The following OTOGL variants were observed in gnomAD, a reference collection of about 807,000 sequenced individuals.
The protein encoded by OTOGL is otogelin like.
In OTOGL, 285 loss-of-function variants were observed where a neutral mutation model predicts 318.5. The observed-to-expected ratio is 0.89, with a 90% CI of 0.81 to 0.99. OTOGL has a LOEUF of 0.99. Ranked by LOEUF, OTOGL falls within the 50% of genes least tolerant of loss-of-function variation. OTOGL has a pLI of 0.00. For synonymous variants in OTOGL, 987 were observed against 936.5 expected (o/e 1.05, Z -0.99); for missense variants, 2,899 against 2,845.6 (o/e 1.02, Z -0.43).
At chr12:80,194,896 A>T (rs1875949317) in intron 1 of OTOGL, among the ~76,000 whole-genome samples, 1 of 152,248 alleles carries the variant, frequency 6.6e-6, no homozygotes, top group African/African-American at 2.4e-5. Flanking sequence ...CTAAAATAAC[A>T]GTGGAATAAT....
chr12:80,355,822 G>A lies in OTOGL; in HGVS notation c.5680G>A (p.Glu1894Lys). The change falls in exon 47 of 59, where the codon GAG (glutamate) becomes AAG (lysine). Residue 1894 changes from glutamate to lysine, a missense_variant. This residue lies in a region of OTOGL where 2,607 missense variants were observed against 2,524.9 expected (regional missense o/e 1.03). Transcript: ENST00000547103. ...TGAATGCACTCTATACAAATGTTTG[G>A]AGAATGGAAGCATTATCCCTATAGA... ...IDECTLYKCLENGSIIPIEPD... is the reference protein window; with the variant it reads ...IDECTLYKCLKNGSIIPIEPD... 6.2e-7 allele frequency: 1 copy of A among 1,613,918 alleles called. No homozygotes were observed. The highest frequency in any genetic ancestry group is 2.2e-5 in the East Asian group (1 of 44,864).
At position 80,378,195 on chromosome 12, in the gene OTOGL, C is replaced by T; in HGVS notation, c.*147C>T. 1 of 610,160 alleles carries T rather than the reference C, an allele frequency of 1.6e-6. No homozygotes were observed. Among genetic ancestry groups the T allele is most frequent in the South Asian group, 2.3e-5 (1 of 43,044 alleles). 37.8% of individuals were successfully genotyped at this position (610,160 alleles called of 1,614,324 possible). A position where few individuals can be genotyped will look rare whatever the true frequency, so the allele number is the denominator to read the frequency against. On this transcript the variant is annotated 3_prime_UTR_variant, in exon 59 of 59. Transcript: ENST00000547103. Reference sequence around the variant, plus strand: ...GAATGTGGAAATTTAGCAATTTGTACAAAATATATACAGTTTCAATAGCAA... The same window carrying T: ...GAATGTGGAAATTTAGCAATTTGTATAAAATATATACAGTTTCAATAGCAA...
chr12:80,146,658 C>G (rs559673921), intron 1 of OTOGL, among the ~76,000 whole-genome samples: 3,693 of 150,762 alleles, frequency 0.024, 134 homozygotes, highest in African/African-American at 0.084. Context: ...TGTACCTCTG[C>G]TAGAATTCAG....
chr12:80,166,850 G>T (rs183243750), intron 1 of OTOGL, among the ~76,000 whole-genome samples: 1 of 152,030 alleles, frequency 6.6e-6, no homozygotes, highest in Non-Finnish European at 1.5e-5. Flanking sequence ...AATAAAGCAC[G>T]AATTGGAGAC....
intron 1 of OTOGL, among the ~76,000 whole-genome samples, chr12:80,177,270 C>T (rs1874591503): frequency 6.6e-6 from 1 of 152,054 alleles, no homozygotes; most frequent in Non-Finnish European, 1.5e-5. Flanking sequence ...AGGTCCACGA[C>T]CCGTTTCAAG....
Position 80,305,685 on chromosome 12 carries a change from C to G in OTOGL, c.3323C>G (p.Ala1108Gly). ...RNARVFGDSW[A>G]LGQCESPDET... ...GCTCGGGTATTTGGAGATAGTTGGG[C>G]ATTAGGACAGGTAAGTTACATAAAT... The change falls in exon 29 of 59, where the codon GCA (alanine) becomes GGA (glycine). Residue 1108 changes from alanine to glycine, a missense_variant. Physicochemically the swap from Ala to Gly is moderately conservative, Grantham distance 60. This residue lies in a region of OTOGL where 2,607 missense variants were observed against 2,524.9 expected (regional missense o/e 1.03). Coordinates refer to ENST00000547103, the MANE Select transcript of OTOGL (RefSeq NM_001378609.3). 1 of 1,554,036 alleles carries G rather than the reference C, an allele frequency of 6.4e-7. No individual in the cohort carries two copies. Among genetic ancestry groups the G allele is most frequent in the Non-Finnish European group, 8.6e-7 (1 of 1,162,356 alleles).
At chr12:80,186,637 C>T (rs949348110) in intron 1 of OTOGL, among the ~76,000 whole-genome samples, 3 of 152,096 alleles carry the variant, frequency 2.0e-5, no homozygotes, top group African/African-American at 7.2e-5. Flanking sequence ...AGACGTATCG[C>T]TCACCACTCC....
At position 80,358,357 on chromosome 12, in the gene OTOGL, T is replaced by G. The variant is rs754385294; in HGVS notation, c.6121+8T>G. The G allele has an allele frequency of 6.5e-7, 1 of 1,550,230 alleles. No individual in the cohort carries two copies. The highest frequency in any genetic ancestry group is 2.3e-5 in the East Asian group (1 of 44,144). ...GTCCTCAGTATTACTGTGGTAAGTGTATATTAACTATTCTAAAATATTTAG... is the reference window on the plus strand; with the variant it reads ...GTCCTCAGTATTACTGTGGTAAGTGGATATTAACTATTCTAAAATATTTAG... On this transcript the variant is annotated splice_region_variant and intron_variant, in intron 50 of 58. Transcript: ENST00000547103.
chr12:80,144,959 C>T (rs1444536767), intron 1 of OTOGL, among the ~76,000 whole-genome samples: 1 of 151,204 alleles, frequency 6.6e-6, no homozygotes, highest in Non-Finnish European at 1.5e-5. Context: ...GATATTAGCC[C>T]TTTGTCAGAT....
chr12:80,263,983 C>T (rs185385324), intron 19 of OTOGL, among the ~76,000 whole-genome samples: 8 of 151,870 alleles, frequency 5.3e-5, no homozygotes, highest in Admixed American at 1.3e-4. Context: ...ATTCTGAATG[C>T]AAAAATATCA....
In OTOGL at chr12:80,377,905, A is replaced by G; in HGVS notation, c.6919A>G (p.Ile2307Val). 6.2e-7 allele frequency: 1 copy of G among 1,611,606 alleles called. No individual in the cohort carries two copies. The highest frequency in any genetic ancestry group is 8.5e-7 in the Non-Finnish European group (1 of 1,178,532). ...ATCAGCTACCATATATAACATCAAT[A>G]TTGAAAGTCACCTAAGATTCTGCAA... ...CPSATIYNIN[I>V]ESHLRFCKCC... Residue 2307 changes from isoleucine (I) to valine (V), a missense_variant, in exon 59 of 59, where the codon ATT (isoleucine) becomes GTT (valine). This residue lies in a region of OTOGL where 289 missense variants were observed against 304.6 expected (regional missense o/e 0.95). Transcript: ENST00000547103.
chr12:80,352,786 A>G (rs1168959771), intron 45 of OTOGL, among the ~76,000 whole-genome samples: 1 of 152,184 alleles, frequency 6.6e-6, no homozygotes, highest in African/African-American at 2.4e-5. Flanking sequence ...CCACCATCTG[A>G]GCATTTAATT....
intron 1 of OTOGL, among the ~76,000 whole-genome samples, chr12:80,121,018 G>C (rs144579435): frequency 4.9e-3 from 753 of 152,262 alleles, no homozygotes; most frequent in Non-Finnish European, 7.7e-3. Flanking sequence ...GGTAGGGTGT[G>C]TGGAGGGACA....
chr12:80,100,837 G>C (rs1300006757), intron 1 of OTOGL, among the ~76,000 whole-genome samples: 1 of 151,918 alleles, frequency 6.6e-6, no homozygotes, highest in Non-Finnish European at 1.5e-5. Flanking sequence ...TGTTTTTCCA[G>C]TTCCTCAACT....
Position 80,265,169 on chromosome 12 carries a change from A to G in OTOGL, c.2183A>G (p.His728Arg). 2 of 1,613,834 alleles carry G rather than the reference A, an allele frequency of 1.2e-6. No homozygotes were observed. Among genetic ancestry groups the G allele is most frequent in the Non-Finnish European group, 8.5e-7 (1 of 1,179,840 alleles). Residue 728 changes from histidine to arginine, a missense_variant, in exon 20 of 59, where the codon CAC (histidine) becomes CGC (arginine). Coordinates refer to ENST00000547103, the MANE Select transcript of OTOGL (RefSeq NM_001378609.3). The part of the protein sequence containing the change: ...LAHYAYLCGQ[H>R]GVPIDFRTQI... ...CACTATGCCTACCTCTGCGGCCAGC[A>G]CGGTGTTCCCATTGATTTCAGAACT...
At position 80,336,533 on chromosome 12, in the gene OTOGL, T is replaced by C. The variant is rs1888418431; in HGVS notation, c.4721T>C (p.Ile1574Thr). 1 of 1,608,714 alleles carries C rather than the reference T, an allele frequency of 6.2e-7. No homozygotes were observed. The highest frequency in any genetic ancestry group is 8.5e-7 in the Non-Finnish European group (1 of 1,176,866). Residue 1574 changes from isoleucine to threonine, a missense_variant, in exon 40 of 59, where the codon ATC becomes ACC. Transcript: ENST00000547103. ...RIPGEIIVAH[I>T]EKCSMNQNGN... is the part of the protein sequence containing the mutation. Reference sequence around the variant, plus strand: ...CCTGGTGAAATTATAGTTGCTCATATCGAAAAATGTTCCATGAATCAGGTG... The same window carrying C: ...CCTGGTGAAATTATAGTTGCTCATACCGAAAAATGTTCCATGAATCAGGTG...
At chr12:80,305,734 T>C in intron 29 of OTOGL, 39 bp downstream of exon 29, 1 of 1,392,166 alleles carries the variant, frequency 7.2e-7, no homozygotes. Context: ...CAACAAAAAT[T>C]TTTAAGAATA....
Position 80,174,000 on chromosome 12 carries a change from T to C in OTOGL, c.-19-35413T>C, listed in dbSNP as rs541602919. ...AAGAAAACATTGAGAAAGCTCATCC[T>C]GTATTCCTATATGAAGAGTACAACA... On this transcript the variant is annotated intron_variant, in intron 1 of 58. Coordinates refer to ENST00000547103, the MANE Select transcript of OTOGL (RefSeq NM_001378609.3). 1.1e-3 allele frequency among the ~76,000 whole-genome samples: 169 copies of C among 152,358 alleles called. 3 individuals carry two copies. Among genetic ancestry groups the C allele is most frequent in the Admixed American group, 2.4e-3 (37 of 15,312 alleles).
At chr12:80,124,903 T>C (rs1870719127) in intron 1 of OTOGL, among the ~76,000 whole-genome samples, 1 of 152,254 alleles carries the variant, frequency 6.6e-6, no homozygotes, top group Non-Finnish European at 1.5e-5. Context: ...CCTGAGACTT[T>C]GCTGAAGTTG....
Sources: gnomAD v4.1 joint callset for allele counts (sites outside exome capture counted in the v4.1 genomes callset) on GRCh38, gnomAD v4.1.1 for gene constraint, gnomAD v4.1.1 regional missense constraint, MANE v1.5 for transcripts, NCBI Gene and HGNC (gene_info 2026-07-23, HGNC 2026-07-21) for gene names.